Variants in MYH11 observed in about 807,000 individuals in gnomAD.
MYH11 encodes the protein myosin heavy chain 11.
MYH11 carries 80 observed loss-of-function variants against 246.6 expected under a neutral mutation model. That is an observed-to-expected ratio of 0.32 (90% CI 0.27 to 0.39). The LOEUF (loss-of-function observed/expected upper bound fraction) is 0.39, where lower values mean the gene tolerates loss of function less well. Among genes scored for constraint, MYH11 ranks in the 10% least tolerant of loss-of-function variants. The probability of loss-of-function intolerance (pLI) is 1.00; values close to 1 mark genes in which losing one functional copy is unlikely to be tolerated. For synonymous variants in MYH11, 1,071 were observed against 1,015.5 expected (o/e 1.05, Z -1.04); for missense variants, 2,158 against 2,546.8 (o/e 0.85, Z 3.29).
In MYH11 at chr16:15,710,183, A is replaced by G. The variant is rs564788219; in HGVS notation, c.5786+4726T>C. On this transcript the variant is annotated intron_variant, in intron 40 of 40. Transcript: ENST00000300036. Reference sequence around the variant, plus strand: ...GCCCTTGGCTGCCCAAGAAGGCTCAAGTGTCTGGGGCAGAACCCACAGGAG... The same window carrying G: ...GCCCTTGGCTGCCCAAGAAGGCTCAGGTGTCTGGGGCAGAACCCACAGGAG... Among the ~76,000 whole-genome samples the G allele has an allele frequency of 7.9e-5, 12 of 152,284 alleles. No individual in the cohort carries two copies. The South Asian group carries it at 2.5e-3, about 32-fold the overall frequency.
chr16:15,774,246 T>G (rs1340571566), intron 8 of MYH11, among the ~76,000 whole-genome samples: 1 of 152,208 alleles, frequency 6.6e-6, no homozygotes, highest in Non-Finnish European at 1.5e-5. Flanking sequence ...TTTAGCAATA[T>G]TTGGTTCTTT....
At chr16:15,823,107 T>C in intron 3 of MYH11, 148 bp downstream of exon 3, 1 of 1,160,890 alleles carries the variant, frequency 8.6e-7, no homozygotes, top group Non-Finnish European at 1.2e-6. Context: ...AACACAGATG[T>C]TCCTTTTGCT....
chr16:15,823,536 G>C (rs1039239408), intron 2 of MYH11, 125 bp from the exon 3 acceptor site: 9 of 1,194,642 alleles, frequency 7.5e-6, no homozygotes, highest in Non-Finnish European at 1.1e-5. Context: ...GGAAACCCTG[G>C]GCCTCACTGA....
At chr16:15,776,204 G>C (rs745842448) in intron 7 of MYH11, 28 bp from the exon 8 acceptor site, 1 of 1,463,132 alleles carries the variant, frequency 6.8e-7, no homozygotes, top group Non-Finnish European at 9.6e-7. Flanking sequence ...AGGGATTCTG[G>C]GGATACTGCG....
intron 14 of MYH11, 81 bp downstream of exon 14, chr16:15,756,260 T>C (rs887914490): frequency 2.3e-5 from 35 of 1,508,958 alleles, no homozygotes; most frequent in Non-Finnish European, 2.9e-5. Context: ...CCCAAGGTTC[T>C]GCCACTCTCA....
At chr16:15,754,653 G>C (rs62029317) in intron 14 of MYH11, among the ~76,000 whole-genome samples, 9,608 of 152,200 alleles carry the variant, frequency 0.063, 347 homozygotes, top group East Asian at 0.17. Context: ...GTCATACAAT[G>C]TTTTGTTTGT....
intron 27 of MYH11, among the ~76,000 whole-genome samples, chr16:15,730,232 T>C (rs2040919553): frequency 6.6e-6 from 1 of 151,896 alleles, no homozygotes; most frequent in Non-Finnish European, 1.5e-5. Flanking sequence ...CTCTCTTCTT[T>C]AGAAATTACC....
chr16:15,855,818 C>A (rs2044452090), intron 1 of MYH11, among the ~76,000 whole-genome samples: 1 of 152,204 alleles, frequency 6.6e-6, no homozygotes, highest in Non-Finnish European at 1.5e-5. Flanking sequence ...AAAAACTATG[C>A]AAAGCAGTTT....
At chr16:15,725,683 CACTT>C (rs1466959757) in intron 28 of MYH11, 5 of 399,008 alleles carry the variant, frequency 1.3e-5, no homozygotes, top group African/African-American at 2.1e-5. Flanking sequence ...AAAAACATCT[CACTT>C]AATTCTTCCC....
At chr16:15,834,908 G>C (rs1247368322) in intron 2 of MYH11, among the ~76,000 whole-genome samples, 1 of 100,212 alleles carries the variant, frequency 1.0e-5, no homozygotes, top group South Asian at 3.0e-4. Context: ...AGTCTCTACA[G>C]AAGTTTTTTT....
intron 9 of MYH11, among the ~76,000 whole-genome samples, chr16:15,768,437 C>T (rs2042030220): frequency 6.6e-6 from 1 of 152,052 alleles, no homozygotes; most frequent in Admixed American, 6.6e-5. Context: ...GAAGCTCCAG[C>T]CTGAAGCCTG....
intron 40 of MYH11, among the ~76,000 whole-genome samples, chr16:15,712,346 C>T (rs74009409): frequency 0.076 from 11,491 of 152,072 alleles, 1,067 homozygotes; most frequent in African/African-American, 0.22. Context: ...TCACCTAGCG[C>T]TGGGGAGAGA....
At chr16:15,812,551 T>TAAAAAAAAAA (rs71134466) in intron 3 of MYH11, among the ~76,000 whole-genome samples, 15 of 37,408 alleles carry the variant, frequency 4.0e-4, no homozygotes, top group Admixed American at 5.1e-4. Flanking sequence ...ATCTTATCTC[T>TAAAAAAAAAA]AAAAAAAAAA....
At chr16:15,831,511 C>T (rs2043739583) in intron 2 of MYH11, among the ~76,000 whole-genome samples, 2 of 126,196 alleles carry the variant, frequency 1.6e-5, no homozygotes, top group Admixed American at 8.4e-5. Context: ...ATACATGAAC[C>T]TGTGAATCAT....
chr16:15,795,046 G>C (rs1221717150), intron 4 of MYH11, among the ~76,000 whole-genome samples: 1 of 152,218 alleles, frequency 6.6e-6, no homozygotes, highest in African/African-American at 2.4e-5. Flanking sequence ...GCTCATGCCT[G>C]TAATCCCAGC....
intron 5 of MYH11, chr16:15,786,347 G>A: frequency 1.8e-6 from 1 of 556,082 alleles, no homozygotes; most frequent in Non-Finnish European, 3.3e-6. Flanking sequence ...CCACCACTGA[G>A]AAGCCCCGAC....
intron 1 of MYH11, among the ~76,000 whole-genome samples, chr16:15,850,788 G>A (rs747985122): frequency 4.6e-5 from 7 of 152,070 alleles, no homozygotes; most frequent in Non-Finnish European, 1.0e-4. Flanking sequence ...CCAGCTACTC[G>A]GGAGGCTGAG....
At chr16:15,781,700 G>T (rs1427732234) in intron 6 of MYH11, among the ~76,000 whole-genome samples, 1 of 152,286 alleles carries the variant, frequency 6.6e-6, no homozygotes, top group East Asian at 1.9e-4. Flanking sequence ...GCATGGGAAG[G>T]TAGTACCCCC....
At chr16:15,808,235 G>T (rs1393778319) in intron 3 of MYH11, among the ~76,000 whole-genome samples, 1 of 152,164 alleles carries the variant, frequency 6.6e-6, no homozygotes, top group Non-Finnish European at 1.5e-5. Context: ...TTGACGGTGG[G>T]TCCTCGGCAG....
Sources: gnomAD v4.1 joint callset for allele counts (sites outside exome capture counted in the v4.1 genomes callset) on GRCh38, gnomAD v4.1.1 for gene constraint, MANE v1.5 for transcripts, NCBI Gene and HGNC (gene_info 2026-07-23, HGNC 2026-07-21) for gene names.